The following ANOS1 variants were observed in gnomAD, a reference collection of about 807,000 sequenced individuals.
The protein encoded by ANOS1 is anosmin-1.
A neutral mutation model predicts 59.0 loss-of-function variants in ANOS1; 6 were observed. That is an observed-to-expected ratio of 0.10 (90% confidence interval 0.06 to 0.20). The LOEUF (loss-of-function observed/expected upper bound fraction) is 0.20, where lower values mean the gene tolerates loss of function less well. ANOS1 is among the 10% of genes least tolerant of loss of function. ANOS1 has a pLI of 1.00. For missense variants in ANOS1, 433 were observed against 542.3 expected (o/e 0.80, Z 2.00); for synonymous variants, 217 against 223.4 (o/e 0.97, Z 0.25).
intron 2 of ANOS1, among the ~76,000 whole-genome samples, chrX:8,664,292 G>A (rs1037690832): frequency 1.3e-4 from 14 of 111,466 alleles, no homozygotes; most frequent in African/African-American, 4.2e-4. Flanking sequence ...CCGGGTTCAC[G>A]CCATTCTCCT....
At chrX:8,654,018 C>T in intron 2 of ANOS1, among the ~76,000 whole-genome samples, 1 of 112,006 alleles carries the variant, frequency 8.9e-6, no homozygotes, top group South Asian at 3.8e-4. Context: ...CAGCTAAATC[C>T]CTTGGCACTG....
At chrX:8,603,145 TAAGAA>T in intron 3 of ANOS1, among the ~76,000 whole-genome samples, 1 of 112,142 alleles carries the variant, frequency 8.9e-6, no homozygotes, top group South Asian at 3.7e-4. Context: ...TCCCCAAAAC[TAAGAA>T]AGAATTAGTC....
rs186083318 is a variant in ANOS1 at position 8,607,724 on chromosome X, C to G, written c.319-10468G>C. Among the ~76,000 whole-genome samples the G allele has an allele frequency of 4.5e-3, 506 of 111,593 alleles. 1 individual carries two copies. The highest frequency in any genetic ancestry group is 0.016 in the African/African-American group (488 of 30,746). ...CCAAGAATGCCAATGCAATGTTCAG[C>G]CCACTAAACCATTTATATACTGATT... is the stretch of plus-strand genomic sequence containing the variant. On this transcript the variant is annotated intron_variant, in intron 3 of 13. Coordinates refer to ENST00000262648, the MANE Select transcript of ANOS1 (RefSeq NM_000216.4).
At chrX:8,570,160 TTAAAAG>T (rs1930203153) in intron 7 of ANOS1, among the ~76,000 whole-genome samples, 1 of 108,719 alleles carries the variant, frequency 9.2e-6, no homozygotes, top group Non-Finnish European at 1.9e-5. Context: ...AAAAAAAAAC[TTAAAAG>T]TAAAGTACAT....
At chrX:8,577,463 AAC>A (rs368459897) in intron 6 of ANOS1, among the ~76,000 whole-genome samples, 192 of 111,971 alleles carry the variant, frequency 1.7e-3, no homozygotes, top group Middle Eastern at 4.6e-3. Flanking sequence ...TATCTGCAGA[AAC>A]ACACTGCAGA....
At chrX:8,609,553 G>A (rs1211278294) in intron 3 of ANOS1, among the ~76,000 whole-genome samples, 1 of 111,801 alleles carries the variant, frequency 8.9e-6, no homozygotes, top group East Asian at 2.8e-4. Flanking sequence ...AAAAATGTCT[G>A]AGAAAGCTTC....
chrX:8,699,715 G>A lies in ANOS1; in HGVS notation c.238C>T (p.His80Tyr). The A allele has an allele frequency of 8.3e-7, 1 of 1,200,305 alleles. No homozygotes were observed. Among genetic ancestry groups the A allele is most frequent in the Non-Finnish European group, 1.1e-6 (1 of 887,680 alleles). ...AAACGTACCTTAGAACATTGCTTGT[G>A]ATTCTGGCACCAAACCAGGGAACCA... The part of the protein sequence containing the change: ...NNGSLVWCQN[H>Y]KQCSKCLEPC... Residue 80 changes from histidine to tyrosine, a missense_variant, in exon 2 of 14, where the codon CAC becomes TAC. Physicochemically the swap from His to Tyr is moderately conservative, Grantham distance 83. Coordinates refer to ENST00000262648, the MANE Select transcript of ANOS1 (RefSeq NM_000216.4).
intron 2 of ANOS1, among the ~76,000 whole-genome samples, chrX:8,669,431 T>C (rs1932219680): frequency 1.8e-5 from 2 of 111,044 alleles, no homozygotes; most frequent in Admixed American, 1.9e-4. Context: ...AACAAATGTA[T>C]CACACTAATG....
At chrX:8,595,679 A>G (rs144479944) in intron 4 of ANOS1, among the ~76,000 whole-genome samples, 1,952 of 111,567 alleles carry the variant, frequency 0.017, 48 homozygotes, top group African/African-American at 0.06. Context: ...TGGCATGTGT[A>G]TGTGAAAGAC....
chrX:8,594,422 CT>C (rs1044012848), intron 4 of ANOS1, among the ~76,000 whole-genome samples: 6 of 106,078 alleles, frequency 5.7e-5, no homozygotes, highest in African/African-American at 2.1e-4. Context: ...ATCAGTCCCC[CT>C]CTCCTCTTTT....
chrX:8,610,271 G>A (rs762630781), intron 3 of ANOS1, among the ~76,000 whole-genome samples: 5 of 111,045 alleles, frequency 4.5e-5, no homozygotes, highest in Admixed American at 9.7e-5. Context: ...GTCCTCTTGT[G>A]TATGTAACCA....
intron 3 of ANOS1, among the ~76,000 whole-genome samples, chrX:8,623,011 A>G (rs7057407): frequency 1.9e-5 from 2 of 103,869 alleles, no homozygotes. Context: ...ATGGATGGAT[A>G]GCTGGATGGA....
At chrX:8,707,887 T>C (rs1244211040) in intron 1 of ANOS1, among the ~76,000 whole-genome samples, 1 of 112,331 alleles carries the variant, frequency 8.9e-6, no homozygotes, top group Non-Finnish European at 1.9e-5. Context: ...AAGAAGAACA[T>C]ACTGTTGTTT....
chrX:8,627,594 A>C (rs1257394843), intron 2 of ANOS1, among the ~76,000 whole-genome samples: 1 of 111,776 alleles, frequency 8.9e-6, no homozygotes, highest in Non-Finnish European at 1.9e-5. Flanking sequence ...AAATGTTATT[A>C]ATGACAGCCA....
chrX:8,663,897 T>C (rs1932083448), intron 2 of ANOS1, among the ~76,000 whole-genome samples: 1 of 111,795 alleles, frequency 8.9e-6, no homozygotes, highest in Non-Finnish European at 1.9e-5. Context: ...AGAGATCATG[T>C]CCTTTGCAGG....
chrX:8,631,829 C>T (rs1413952179), intron 2 of ANOS1, among the ~76,000 whole-genome samples: 2 of 111,968 alleles, frequency 1.8e-5, no homozygotes, highest in African/African-American at 6.5e-5. Flanking sequence ...AAAACTGAAA[C>T]ATTTTCACAG....
chrX:8,596,374 C>G (rs983388518), intron 4 of ANOS1, among the ~76,000 whole-genome samples: 1 of 111,610 alleles, frequency 9.0e-6, no homozygotes, highest in Non-Finnish European at 1.9e-5. Flanking sequence ...ATACCTAATA[C>G]AATGGATTCA....
chrX:8,703,695 T>C (rs993424450), intron 1 of ANOS1, among the ~76,000 whole-genome samples: 2 of 111,122 alleles, frequency 1.8e-5, no homozygotes, highest in African/African-American at 6.6e-5. Context: ...GGTCCAACAG[T>C]CCTAAATACC....
intron 2 of ANOS1, among the ~76,000 whole-genome samples, chrX:8,642,922 A>T (rs1931689621): frequency 8.9e-6 from 1 of 112,360 alleles, no homozygotes; most frequent in Admixed American, 9.5e-5. Context: ...CTGAGAATAG[A>T]TCATCAACAC....
Sources: allele counts gnomAD v4.1 joint callset (sites outside exome capture counted in the v4.1 genomes callset), GRCh38; gene constraint gnomAD v4.1.1; transcripts MANE v1.5; gene names NCBI Gene and HGNC (gene_info 2026-07-23, HGNC 2026-07-21).